Variants in ANAPC5 observed in about 807,000 individuals in gnomAD.
ANAPC5 encodes the protein anaphase-promoting complex subunit 5.
A neutral mutation model predicts 91.3 loss-of-function variants in ANAPC5; 60 were observed. The observed-to-expected ratio is 0.66, with a 90% CI of 0.53 to 0.81. The LOEUF (loss-of-function observed/expected upper bound fraction) is 0.81, where lower values mean the gene tolerates loss of function less well. ANAPC5 is among the 40% of genes least tolerant of loss of function. The pLI is 0.00. For missense variants in ANAPC5, 690 were observed against 931.5 expected (o/e 0.74, Z 3.37); for synonymous variants, 340 against 364.1 (o/e 0.93, Z 0.75).
intron 3 of ANAPC5, 27 bp from the exon 4 acceptor site, chr12:121,346,058 G>A: frequency 1.3e-6 from 2 of 1,574,358 alleles, no homozygotes; most frequent in Middle Eastern, 1.7e-4. Flanking sequence ...GAGACAAGGG[G>A]AAAGCATTAA....
At chr12:121,317,598 T>A (rs188749344) in intron 15 of ANAPC5, among the ~76,000 whole-genome samples, 1 of 150,818 alleles carries the variant, frequency 6.6e-6, no homozygotes, top group Non-Finnish European at 1.5e-5. Flanking sequence ...CTGAGGAAGG[T>A]AGTAAGAAAC....
Position 121,352,358 on chromosome 12 carries a change from TCTCGGGCCCGC to T in ANAPC5, c.-29_-19del, listed in dbSNP as rs1903934465. The T allele has an allele frequency of 6.3e-7, 1 of 1,576,322 alleles. No homozygotes were observed. Among genetic ancestry groups the T allele is most frequent in the Non-Finnish European group, 8.6e-7 (1 of 1,157,610 alleles). ...CTGGCCATGGCGGCCCGAGACTAAG[TCTCGGGCCCGC>T]GGCGCGCTGCCGCCAGTTGTCACCA... On this transcript the variant is annotated 5_prime_UTR_variant, in exon 1 of 17. Transcript: ENST00000261819.
At chr12:121,327,510 A>T in intron 10 of ANAPC5, 1 of 396,904 alleles carries the variant, frequency 2.5e-6, no homozygotes, top group Non-Finnish European at 4.3e-6. Context: ...TGTTCCCTGC[A>T]GTCATAGTAT....
intron 15 of ANAPC5, among the ~76,000 whole-genome samples, chr12:121,310,587 T>G (rs1325720295): frequency 6.6e-6 from 1 of 150,646 alleles, no homozygotes; most frequent in Non-Finnish European, 1.5e-5. Context: ...AAACATCTAC[T>G]TAACACACAA....
chr12:121,309,825 G>C lies in ANAPC5; in HGVS notation c.1932C>G (p.Leu644=), dbSNP rs746955839. 6.2e-7 allele frequency: 1 copy of C among 1,614,134 alleles called. No individual in the cohort carries two copies. Among genetic ancestry groups the C allele is most frequent in the South Asian group, 1.1e-5 (1 of 91,086 alleles). Residue 644 remains leucine (L), a synonymous_variant, in exon 16 of 17, where the codon CTC becomes CTG. Coordinates refer to ENST00000261819, the MANE Select transcript of ANAPC5 (RefSeq NM_016237.5). ...LGIPEQALSL[L]HMAIEPILAD... ...CCAAGATGGGCTCGATGGCCATGTG[G>C]AGAAGACTTAAGGCCTGTTCTGGGA... is the stretch of plus-strand genomic sequence containing the variant.
At chr12:121,321,480 G>A (rs991423913) in intron 11 of ANAPC5, among the ~76,000 whole-genome samples, 6 of 147,010 alleles carry the variant, frequency 4.1e-5, no homozygotes, top group Non-Finnish European at 5.9e-5. Flanking sequence ...TCAGCCTCCC[G>A]AGTAGCAGGG....
chr12:121,332,042 T>TC (rs1903063059), intron 7 of ANAPC5: 1 of 152,158 alleles, frequency 6.6e-6, no homozygotes, highest in Non-Finnish European at 1.5e-5. Context: ...CTCACTATGT[T>TC]CCCCAGGCTG....
rs1902848868 is a variant in ANAPC5 at position 121,327,129 on chromosome 12, T to G, written c.1407A>C (p.Ala469=). The G allele has an allele frequency of 6.2e-7, 1 of 1,611,478 alleles. No homozygotes were observed. The highest frequency in any genetic ancestry group is 8.5e-7 in the Non-Finnish European group (1 of 1,179,380). ...CGTGTAGCTCTGCGAGGTGGCAGAG[T>G]GCGACAGCAAAGGACTCTGTGTTGT... is the stretch of plus-strand genomic sequence containing the variant. ...QQNNTESFAV[A]LCHLAELHAE... is the part of the protein sequence containing the mutation. The change falls in exon 11 of 17, where the codon GCA becomes GCC. Residue 469 remains alanine, a synonymous_variant. Coordinates refer to ENST00000261819, the MANE Select transcript of ANAPC5 (RefSeq NM_016237.5).
rs1467775927 is a variant in ANAPC5 at position 121,331,335 on chromosome 12, G to A, written c.1032+12C>T. ...CGTGAACAAAACTCCCAAGACCAGA[G>A]GATGGCCTCACCAAACAGTGCTGGA... On this transcript the variant is annotated intron_variant, in intron 8 of 16. Transcript: ENST00000261819. 1 of 1,580,986 alleles carries A rather than the reference G, an allele frequency of 6.3e-7. No homozygotes were observed. Among genetic ancestry groups the A allele is most frequent in the Non-Finnish European group, 8.7e-7 (1 of 1,153,490 alleles).
chr12:121,310,997 T>C (rs1441627612), intron 15 of ANAPC5, among the ~76,000 whole-genome samples: 3 of 150,104 alleles, frequency 2.0e-5, no homozygotes, highest in Non-Finnish European at 3.0e-5. Context: ...AGTTAAACTC[T>C]CTAATTAAAA....
intron 5 of ANAPC5, among the ~76,000 whole-genome samples, chr12:121,340,645 CG>C (rs1186940731): frequency 2.6e-5 from 4 of 151,818 alleles, no homozygotes; most frequent in Non-Finnish European, 5.9e-5. Context: ...CTCCACCTCC[CG>C]GGTTCAAGCG....
chr12:121,328,701 G>T (rs186869704), intron 9 of ANAPC5: 1 of 496,630 alleles, frequency 2.0e-6, no homozygotes, highest in East Asian at 3.3e-5. Flanking sequence ...GAGGCAGAGG[G>T]TACACGGGAA....
At chr12:121,343,750 A>G (rs1433645286) in intron 4 of ANAPC5, among the ~76,000 whole-genome samples, 4 of 152,236 alleles carry the variant, frequency 2.6e-5, no homozygotes, top group Non-Finnish European at 5.9e-5. Flanking sequence ...TGGGGATTAC[A>G]GTAGCCTAAC....
At chr12:121,311,090 A>T (rs1223286354) in intron 15 of ANAPC5, among the ~76,000 whole-genome samples, 1 of 152,086 alleles carries the variant, frequency 6.6e-6, no homozygotes, top group Non-Finnish European at 1.5e-5. Flanking sequence ...AGATTAAAAG[A>T]CACAAATAGT....
Position 121,327,226 on chromosome 12 carries a change from A to G in ANAPC5, c.1310T>C (p.Met437Thr). 1 of 1,612,834 alleles carries G rather than the reference A, an allele frequency of 6.2e-7. No individual in the cohort carries two copies. The highest frequency in any genetic ancestry group is 8.5e-7 in the Non-Finnish European group (1 of 1,179,866). The part of the protein sequence containing the change: ...AIWRLYGRST[M>T]ALQQAQMLLS... ...CAACATCTGGGCCTGTTGCAGTGCC[A>G]TGGTGCTGGGTGGGGAGAGGGAACA... Residue 437 changes from methionine to threonine, a missense_variant, in exon 11 of 17, where the codon ATG (methionine) becomes ACG (threonine). This residue lies in a region of ANAPC5 where 317 missense variants were observed against 438.7 expected (regional missense o/e 0.72). Transcript: ENST00000261819.
chr12:121,337,488 CA>C (rs2136799928), intron 5 of ANAPC5, 96 bp from the exon 6 acceptor site: 1 of 945,810 alleles, frequency 1.1e-6, no homozygotes, highest in African/African-American at 1.7e-5. Context: ...TTCTTTTCTA[CA>C]GGGGTCCCTT....
intron 1 of ANAPC5, among the ~76,000 whole-genome samples, chr12:121,348,885 C>T (rs1903774466): frequency 6.6e-6 from 1 of 152,162 alleles, no homozygotes; most frequent in South Asian, 2.1e-4. Context: ...CTGAAAGGAG[C>T]CTGTAAGTCC....
intron 14 of ANAPC5, 37 bp downstream of exon 14, chr12:121,318,464 C>T (rs375639591): frequency 3.7e-6 from 6 of 1,611,462 alleles, no homozygotes; most frequent in South Asian, 1.1e-5. Context: ...GAAGATCCAC[C>T]ACCACATCTC....
At chr12:121,351,643 G>A (rs1903896389) in intron 1 of ANAPC5, among the ~76,000 whole-genome samples, 2 of 151,988 alleles carry the variant, frequency 1.3e-5, no homozygotes, top group Admixed American at 1.3e-4. Flanking sequence ...GTTTTTAGTA[G>A]AGACGGGGTT....
Sources: gnomAD v4.1 joint callset for allele counts (sites outside exome capture counted in the v4.1 genomes callset) on GRCh38, gnomAD v4.1.1 for gene constraint, gnomAD v4.1.1 regional missense constraint, MANE v1.5 for transcripts, NCBI Gene and HGNC (gene_info 2026-07-23, HGNC 2026-07-21) for gene names.